TGIF1: variants seen among roughly 807,000 people sequenced by gnomAD.
TGIF1 encodes the protein TGFB induced factor homeobox 1, also known as homeobox protein TGIF1.
In TGIF1, 4 loss-of-function variants were observed where a neutral mutation model predicts 19.3. That is an observed-to-expected ratio of 0.21 (90% CI 0.10 to 0.47). The LOEUF is 0.47. Ranked by LOEUF, TGIF1 falls within the 20% of genes least tolerant of loss-of-function variation. The pLI is 0.98. For synonymous variants in TGIF1, 122 were observed against 129.3 expected (o/e 0.94, Z 0.38); for missense variants, 275 against 341.4 (o/e 0.81, Z 1.53).
chr18:3,449,846 C>A (rs1375046799), upstream of TGIF1: 3 of 985,338 alleles, frequency 3.0e-6, no homozygotes, highest in East Asian at 1.1e-4. Context: ...TTGCAGTTTC[C>A]GAACCAAACG....
intron 2 of TGIF1, among the ~76,000 whole-genome samples, chr18:3,424,591 G>T (rs956942753): frequency 6.6e-6 from 1 of 151,962 alleles, no homozygotes; most frequent in Non-Finnish European, 1.5e-5. Context: ...CCTTTGGGTG[G>T]GTGGGTAGGG....
intron 2 of TGIF1, among the ~76,000 whole-genome samples, chr18:3,430,021 T>TGGCTA (rs1261794308): frequency 6.6e-6 from 1 of 152,174 alleles, no homozygotes; most frequent in Admixed American, 6.5e-5. Flanking sequence ...CCAGGCGTGG[T>TGGCTA]GGTGGGCACC....
At position 3,456,742 on chromosome 18, in the gene TGIF1, T is replaced by C; in HGVS notation, c.243+162T>C. 1 of 735,832 alleles carries C rather than the reference T, an allele frequency of 1.4e-6. No homozygotes were observed. The highest frequency in any genetic ancestry group is 2.4e-6 in the Non-Finnish European group (1 of 416,362). 45.6% of individuals were successfully genotyped at this position (735,832 alleles called of 1,614,324 possible). Reference sequence around the variant, plus strand: ...TGTTAAAAGCTAATAACTAGCTATTTAGAGAACACAGAAACACTTGACAGT... The same window carrying C: ...TGTTAAAAGCTAATAACTAGCTATTCAGAGAACACAGAAACACTTGACAGT... On this transcript the variant is annotated intron_variant, in intron 2 of 2. Coordinates refer to ENST00000343820, the MANE Select transcript of TGIF1 (RefSeq NM_003244.4). This position sits in a 1 kb window ranked among gnomAD's most constrained non-coding sequence, Gnocchi z 4.2.
At position 3,431,985 on chromosome 18, in the gene TGIF1, G is replaced by A. The variant is rs1438506303; in HGVS notation, c.-45+13770G>A. On this transcript the variant is annotated intron_variant, in intron 2 of 3. Transcript: ENST00000401449. Reference sequence around the variant, plus strand: ...CTCTACTAAAATACAAAAATTAGCTGGGCATGGTGGTACACACCTGTAGTC... The same window carrying A: ...CTCTACTAAAATACAAAAATTAGCTAGGCATGGTGGTACACACCTGTAGTC... 2.6e-5 allele frequency among the ~76,000 whole-genome samples: 4 copies of A among 152,190 alleles called. No homozygotes were observed. In the East Asian group the frequency reaches 5.8e-4, roughly 22 times the overall value.
upstream of TGIF1, chr18:3,449,281 C>A: frequency 3.9e-6 from 2 of 509,662 alleles, no homozygotes; most frequent in Non-Finnish European, 5.1e-6. Context: ...CCGAAACAGA[C>A]GAGCAGGCAC....
upstream of TGIF1, among the ~76,000 whole-genome samples, chr18:3,446,988 C>T (rs2082756764): frequency 6.6e-6 from 1 of 152,150 alleles, no homozygotes; most frequent in Non-Finnish European, 1.5e-5. Flanking sequence ...ACTTGGTGGA[C>T]CTGGCATCAA....
intron 2 of TGIF1, among the ~76,000 whole-genome samples, chr18:3,428,618 T>A (rs1598865689): frequency 6.6e-6 from 1 of 152,072 alleles, no homozygotes; most frequent in East Asian, 1.9e-4. Context: ...GCGCCTGTAG[T>A]CCCAGCTGTT....
Position 3,457,028 on chromosome 18 carries a change from G to C in TGIF1, c.244-337G>C, listed in dbSNP as rs770968626. On this transcript the variant is annotated intron_variant, in intron 2 of 2. Transcript: ENST00000343820. This position sits in a 1 kb window ranked among gnomAD's most constrained non-coding sequence, Gnocchi z 4.9. ...TAACTTAAATGTTGGGGCAGTAGGTGATAGGTTAAAATGGGGAGAGTTAAA... is the reference window on the plus strand; with the variant it reads ...TAACTTAAATGTTGGGGCAGTAGGTCATAGGTTAAAATGGGGAGAGTTAAA... 1.8e-5 allele frequency: 10 copies of C among 555,490 alleles called. No homozygotes were observed. The highest frequency in any genetic ancestry group is 3.2e-5 in the Non-Finnish European group (10 of 314,916). The allele number at this position is 555,490 out of a possible 1,614,324, so 34.4% of individuals were successfully genotyped here. A position where few individuals can be genotyped will look rare whatever the true frequency, so the allele number is the denominator to read the frequency against.
rs2082954592 is a variant in TGIF1, at chr18:3,451,931, T to TC, written c.16+1426_16+1427insC. The TC allele has an allele frequency of 6.5e-7, 1 of 1,540,762 alleles. No individual in the cohort carries two copies. The highest frequency in any genetic ancestry group is 2.0e-5 in the Admixed American group (1 of 51,002). ...GACAGGTCTAGAGACACGCGCTGTC[T>TC]GTTGTGGTGGGCCTCCCGGGAATAA... On this transcript the variant is annotated intron_variant, in intron 1 of 2. Transcript: ENST00000343820. The surrounding 1 kb of genome is among the most constrained non-coding windows in gnomAD (Gnocchi z 5.4).
upstream of TGIF1, among the ~76,000 whole-genome samples, chr18:3,445,764 G>GA (rs1568041656): frequency 0.013 from 308 of 24,070 alleles, 4 homozygotes; most frequent in African/African-American, 0.053. Flanking sequence ...GAGAAGAAAA[G>GA]CAAAAAAAAA....
At chr18:3,419,095 T>C (rs2082368668) in intron 2 of TGIF1, among the ~76,000 whole-genome samples, 1 of 152,108 alleles carries the variant, frequency 6.6e-6, no homozygotes, top group African/African-American at 2.4e-5. Context: ...TGTACAATAG[T>C]TATAATACTG....
intron 2 of TGIF1, among the ~76,000 whole-genome samples, chr18:3,425,523 G>T (rs2082454895): frequency 6.6e-6 from 1 of 152,054 alleles, no homozygotes; most frequent in Admixed American, 6.6e-5. Flanking sequence ...GTTTAAGATT[G>T]GCCTTTTGGG....
chr18:3,426,166 CTTTTT>C (rs10675936), intron 2 of TGIF1, among the ~76,000 whole-genome samples: 1 of 116,604 alleles, frequency 8.6e-6, no homozygotes, highest in African/African-American at 3.7e-5. Context: ...GGCTAGGGTC[CTTTTT>C]TTTTTTTTTT....
At position 3,452,149 on chromosome 18, in the gene TGIF1, T is replaced by C. The variant is rs748158154; in HGVS notation, c.16+1644T>C. 68 of 1,613,706 alleles carry C rather than the reference T, an allele frequency of 4.2e-5. No individual in the cohort carries two copies. In the South Asian group the frequency reaches 7.0e-4, roughly 17 times the overall value. Reference sequence around the variant, plus strand: ...TCCCCCCGACTCTCCCGCGGCACTTTGGCCTACCTTCCCCCAGCGCCGTGG... The same window carrying C: ...TCCCCCCGACTCTCCCGCGGCACTTCGGCCTACCTTCCCCCAGCGCCGTGG... On this transcript the variant is annotated intron_variant, in intron 1 of 2. Coordinates refer to ENST00000343820, the MANE Select transcript of TGIF1 (RefSeq NM_003244.4).
rs1378351912 is a variant in TGIF1 at position 3,451,619 on chromosome 18, G to A, written c.16+1114G>A. On this transcript the variant is annotated intron_variant, in intron 1 of 2. Coordinates refer to ENST00000343820, the MANE Select transcript of TGIF1 (RefSeq NM_003244.4). This position sits in a 1 kb window ranked among gnomAD's most constrained non-coding sequence, Gnocchi z 5.4. Reference sequence around the variant, plus strand: ...CATTCTTTCAGACCCGGCCCGCTGCGGGGCGTTCCTGGGGGGTAGCCTCAA... The same window carrying A: ...CATTCTTTCAGACCCGGCCCGCTGCAGGGCGTTCCTGGGGGGTAGCCTCAA... 2.8e-6 allele frequency: 3 copies of A among 1,086,466 alleles called. No individual in the cohort carries two copies. Among genetic ancestry groups the A allele is most frequent in the African/African-American group, 3.3e-5 (2 of 60,900 alleles). 67.3% of individuals were successfully genotyped at this position (1,086,466 alleles called of 1,614,324 possible).
chr18:3,444,081 C>T (rs1207272532), intron 2 of TGIF1, among the ~76,000 whole-genome samples: 11 of 151,466 alleles, frequency 7.3e-5, no homozygotes, highest in East Asian at 1.9e-4. Flanking sequence ...ACTACAGGCG[C>T]GTGCCACCAC....
chr18:3,456,589 A>G lies in TGIF1; in HGVS notation c.243+9A>G, dbSNP rs779886409. On this transcript the variant is annotated intron_variant, in intron 2 of 2. Transcript: ENST00000343820. This position sits in a 1 kb window ranked among gnomAD's most constrained non-coding sequence, Gnocchi z 4.2. ...ACCTGTCTACGCTACAGGTAAAGAA[A>G]GAGAGCGTGAGGTTTATGGATGCAT... is the stretch of plus-strand genomic sequence containing the variant. 1.2e-6 allele frequency: 2 copies of G among 1,612,936 alleles called. No homozygotes were observed. The highest frequency in any genetic ancestry group is 1.7e-6 in the Non-Finnish European group (2 of 1,178,916).
chr18:3,453,843 A>G, intron 1 of TGIF1: 2 of 985,172 alleles, frequency 2.0e-6, no homozygotes, highest in Non-Finnish European at 2.4e-6. Flanking sequence ...CCCCACCGCC[A>G]CATTTTTTAA....
chr18:3,419,660 G>T (rs1239132535), intron 2 of TGIF1, among the ~76,000 whole-genome samples: 1 of 152,104 alleles, frequency 6.6e-6, no homozygotes, highest in Admixed American at 6.6e-5. Flanking sequence ...GACTACCCTT[G>T]GTGTGTATCT....
Sources: gnomAD v4.1 joint callset for allele counts (sites outside exome capture counted in the v4.1 genomes callset) on GRCh38, gnomAD v4.1.1 for gene constraint, Gnocchi (gnomAD v3.1) non-coding constraint, MANE v1.5 for transcripts, NCBI Gene and HGNC (gene_info 2026-07-23, HGNC 2026-07-21) for gene names.